Variants in SPNS3 observed in about 807,000 individuals in gnomAD.
SPNS3 encodes the protein protein spinster homolog 3.
A neutral mutation model predicts 54.4 loss-of-function variants in SPNS3; 51 were observed. That is an observed-to-expected ratio of 0.94 (90% CI 0.75 to 1.18). The LOEUF is 1.18. SPNS3 is among the 50% of genes most tolerant of loss of function. SPNS3 has a pLI of 0.00. For synonymous variants in SPNS3, 309 were observed against 294.7 expected (o/e 1.05, Z -0.50); for missense variants, 669 against 677.4 (o/e 0.99, Z 0.14).
At chr17:4,447,141 A>G (rs999895579) in intron 5 of SPNS3, among the ~76,000 whole-genome samples, 179 bp downstream of exon 5, 4 of 152,040 alleles carry the variant, frequency 2.6e-5, no homozygotes, top group African/African-American at 9.7e-5. Flanking sequence ...GGGGTGTGGA[A>G]GTGGTGGCCG....
chr17:4,466,176 G>A (rs1023311705), intron 8 of SPNS3, among the ~76,000 whole-genome samples: 60 of 152,260 alleles, frequency 3.9e-4, no homozygotes, highest in African/African-American at 1.4e-3. Flanking sequence ...CCCAGACGCT[G>A]TTCCAGGCAC....
intron 1 of SPNS3, among the ~76,000 whole-genome samples, chr17:4,439,410 G>T (rs1027259851): frequency 6.6e-6 from 1 of 152,206 alleles, no homozygotes; most frequent in African/African-American, 2.4e-5. Context: ...ACAGGCGTGA[G>T]CCACCGTGCC....
In SPNS3 at chr17:4,449,403, G is replaced by T; in HGVS notation, c.923+16G>T. The T allele has an allele frequency of 2.6e-6, 4 of 1,563,714 alleles. No homozygotes were observed. Among genetic ancestry groups the T allele is most frequent in the Non-Finnish European group, 3.4e-6 (4 of 1,164,016 alleles). On this transcript the variant is annotated intron_variant, in intron 7 of 11. Coordinates refer to ENST00000355530, the MANE Select transcript of SPNS3 (RefSeq NM_182538.5). ...ACCCCGACAGGTGAGGGCATCCGGGGGCCCTGGGCACCTGGCCCGGCTCGG... is the reference window on the plus strand; with the variant it reads ...ACCCCGACAGGTGAGGGCATCCGGGTGCCCTGGGCACCTGGCCCGGCTCGG...
At chr17:4,439,755 C>A (rs1970801858) in intron 2 of SPNS3, 32 bp downstream of exon 2, 1 of 1,591,586 alleles carries the variant, frequency 6.3e-7, no homozygotes, top group Non-Finnish European at 8.6e-7. Context: ...GGAGCCGGGG[C>A]CCTGGGTTCA....
At chr17:4,453,238 G>T (rs1414988471) in intron 8 of SPNS3, 33 bp downstream of exon 8, 1 of 1,579,894 alleles carries the variant, frequency 6.3e-7, no homozygotes, top group East Asian at 2.3e-5. Context: ...GTGGGGACAG[G>T]GTTGGGGGGC....
chr17:4,481,363 G>A (rs975037404), intron 9 of SPNS3, among the ~76,000 whole-genome samples: 4 of 152,042 alleles, frequency 2.6e-5, no homozygotes, highest in Non-Finnish European at 5.9e-5. Flanking sequence ...CCCCTTTGCC[G>A]GCCGGCACTG....
chr17:4,454,464 C>T (rs1163437246), intron 8 of SPNS3, among the ~76,000 whole-genome samples: 3 of 152,224 alleles, frequency 2.0e-5, no homozygotes, highest in Non-Finnish European at 2.9e-5. Context: ...GAAAAGTAAA[C>T]CAGCCACAAC....
In SPNS3 at chr17:4,486,452, TGCAGCGCTTCCGCAGCCTGCA is replaced by T. The variant is rs753335649; in HGVS notation, c.1324_1344del (p.Arg442_Gln448del). On this transcript the variant is annotated inframe_deletion, in exon 11 of 12. Transcript: ENST00000355530. The surrounding 1 kb of genome is among the most constrained non-coding windows in gnomAD (Gnocchi z 5.5). ...CGGGCCAGGCGCCCTGACTCCTATC[TGCAGCGCTTCCGCAGCCTGCA>T]GCAGAGCTTCCTGTGCTGCGCCTTT... 6.2e-7 allele frequency: 1 copy of T among 1,612,798 alleles called. No homozygotes were observed. Among genetic ancestry groups the T allele is most frequent in the Middle Eastern group, 1.7e-4 (1 of 6,056 alleles).
chr17:4,479,596 C>T (rs747058409), intron 9 of SPNS3, among the ~76,000 whole-genome samples: 5 of 152,160 alleles, frequency 3.3e-5, no homozygotes, highest in Non-Finnish European at 5.9e-5. Flanking sequence ...GGCCTGTGAG[C>T]ACCCTGAGAG....
At chr17:4,449,525 C>A in intron 7 of SPNS3, 138 bp downstream of exon 7, 2 of 1,087,394 alleles carry the variant, frequency 1.8e-6, no homozygotes, top group Non-Finnish European at 2.5e-6. Context: ...GAGCTCAGGA[C>A]CCAGATGGCA....
At chr17:4,445,534 C>T (rs1478661578) in intron 3 of SPNS3, among the ~76,000 whole-genome samples, 1 of 152,106 alleles carries the variant, frequency 6.6e-6, no homozygotes. Context: ...TGCCACCACG[C>T]CCAGCTAATT....
At chr17:4,460,837 T>C (rs892121270) in intron 8 of SPNS3, among the ~76,000 whole-genome samples, 1 of 152,180 alleles carries the variant, frequency 6.6e-6, no homozygotes, top group Admixed American at 6.6e-5. Flanking sequence ...GGTGTCTTCA[T>C]CTGGTTTTGG....
chr17:4,481,274 G>A (rs1196952736), intron 9 of SPNS3, among the ~76,000 whole-genome samples: 1 of 151,968 alleles, frequency 6.6e-6, no homozygotes. Context: ...TCCAGCACTG[G>A]GGGAGGAAGT....
intron 8 of SPNS3, among the ~76,000 whole-genome samples, chr17:4,467,669 A>T (rs913551857): frequency 6.6e-5 from 10 of 152,278 alleles, no homozygotes; most frequent in Admixed American, 2.0e-4. Flanking sequence ...TAATTTAATT[A>T]AATTAATTTA....
At chr17:4,458,613 CTTTCT>C (rs1971399464) in intron 8 of SPNS3, among the ~76,000 whole-genome samples, 2 of 108,368 alleles carry the variant, frequency 1.8e-5, no homozygotes, top group Non-Finnish European at 3.9e-5. Flanking sequence ...TTCTTTCTTT[CTTTCT>C]TTCTTTCTTT....
intron 1 of SPNS3, among the ~76,000 whole-genome samples, chr17:4,434,937 G>A (rs1970675869): frequency 6.6e-6 from 1 of 151,758 alleles, no homozygotes; most frequent in African/African-American, 2.4e-5. Flanking sequence ...CGAGTAGCTG[G>A]GACTACAGGC....
intron 8 of SPNS3, among the ~76,000 whole-genome samples, chr17:4,473,377 C>G (rs552365005): frequency 6.7e-6 from 1 of 149,910 alleles, no homozygotes; most frequent in African/African-American, 2.5e-5. Flanking sequence ...CAGGAGAGGA[C>G]ACTGCTCTTC....
At chr17:4,439,149 G>A (rs1200929081) in intron 1 of SPNS3, among the ~76,000 whole-genome samples, 1 of 151,658 alleles carries the variant, frequency 6.6e-6, no homozygotes, top group Non-Finnish European at 1.5e-5. Context: ...TTGAGATGGA[G>A]CGTGGCTCTT....
At chr17:4,450,728 C>T (rs1971140409) in intron 7 of SPNS3, among the ~76,000 whole-genome samples, 1 of 151,220 alleles carries the variant, frequency 6.6e-6, no homozygotes, top group Admixed American at 6.6e-5. Flanking sequence ...TCCCGAGTAG[C>T]TAAGATTACA....
Sources: gnomAD v4.1 joint callset for allele counts (sites outside exome capture counted in the v4.1 genomes callset) on GRCh38, gnomAD v4.1.1 for gene constraint, Gnocchi (gnomAD v3.1) non-coding constraint, MANE v1.5 for transcripts, NCBI Gene and HGNC (gene_info 2026-07-23, HGNC 2026-07-21) for gene names.